Variants in ARHGAP24 observed in about 807,000 individuals in gnomAD.
The protein encoded by ARHGAP24 is Rho GTPase activating protein 24.
A neutral mutation model predicts 76.4 loss-of-function variants in ARHGAP24; 50 were observed. That is an observed-to-expected ratio of 0.65 (90% CI 0.52 to 0.83). The LOEUF is 0.83. Among genes scored for constraint, ARHGAP24 ranks in the 40% least tolerant of loss-of-function variants. The probability of loss-of-function intolerance (pLI) is 0.00; values close to 1 mark genes in which losing one functional copy is unlikely to be tolerated. For synonymous variants in ARHGAP24, 345 were observed against 323.3 expected (o/e 1.07, Z -0.72); for missense variants, 930 against 914.2 (o/e 1.02, Z -0.22).
At chr4:85,930,929 C>A (rs201425808) in intron 4 of ARHGAP24, 1 of 1,613,854 alleles carries the variant, frequency 6.2e-7, no homozygotes, top group East Asian at 2.2e-5. Flanking sequence ...CAGGCCTGTA[C>A]GATGCCTGAA....
chr4:85,803,954 CT>C (rs200225395), intron 3 of ARHGAP24, among the ~76,000 whole-genome samples: 44 of 133,022 alleles, frequency 3.3e-4, no homozygotes, highest in South Asian at 2.3e-3. Flanking sequence ...TTTTCTTTTT[CT>C]TTTTTTTTTT....
chr4:85,482,133 G>C (rs1722839554), intron 1 of ARHGAP24, among the ~76,000 whole-genome samples: 1 of 152,208 alleles, frequency 6.6e-6, no homozygotes, highest in Non-Finnish European at 1.5e-5. Flanking sequence ...AAAACAGCCT[G>C]ATGTTATCTT....
chr4:85,990,626 A>G (rs1462380031), intron 8 of ARHGAP24: 2 of 151,908 alleles, frequency 1.3e-5, no homozygotes, highest in Admixed American at 6.6e-5. Context: ...AAATATGTGT[A>G]GTCATTTGAT....
intron 8 of ARHGAP24, among the ~76,000 whole-genome samples, chr4:85,978,135 TGAAA>T (rs2148856986): frequency 6.6e-6 from 1 of 152,330 alleles, no homozygotes; most frequent in Non-Finnish European, 1.5e-5. Flanking sequence ...GGTTAAAACA[TGAAA>T]GAATTTTTGT....
rs202209554 is a variant in ARHGAP24, at chr4:85,570,431, C to CT, written c.-20-80dup. ...CTTTCTTTCTTTCCTCTCTCTCTCT[C>CT]TTTTTTTTTTTCTGGAGAAGAGTGG... is the stretch of plus-strand genomic sequence containing the variant. On this transcript the variant is annotated intron_variant, in intron 1 of 9. Transcript: ENST00000395184. 0.27 allele frequency: 112,706 copies of CT among 413,320 alleles called. 14,483 individuals are homozygous for CT. The highest frequency in any genetic ancestry group is 0.65 in the East Asian group (16,231 of 25,152). 25.6% of individuals were successfully genotyped at this position (413,320 alleles called of 1,614,324 possible).
At chr4:85,832,832 T>C (rs551592879) in intron 3 of ARHGAP24, among the ~76,000 whole-genome samples, 1 of 152,308 alleles carries the variant, frequency 6.6e-6, no homozygotes, top group South Asian at 2.1e-4. Context: ...ATCACCACCA[T>C]GCCACTGAGT....
At chr4:85,849,361 T>G (rs345324) in intron 3 of ARHGAP24, among the ~76,000 whole-genome samples, 150,881 of 151,990 alleles carry the variant, frequency 0.99, 74,902 homozygotes, top group Middle Eastern at 1. Flanking sequence ...AGACGATGGG[T>G]TTTTCTAAAT....
At chr4:85,884,859 C>A (rs1733470471) in intron 3 of ARHGAP24, among the ~76,000 whole-genome samples, 2 of 152,000 alleles carry the variant, frequency 1.3e-5, no homozygotes, top group African/African-American at 4.8e-5. Flanking sequence ...TTTATTATTT[C>A]AATTTACTGT....
At chr4:85,574,805 T>C (rs1395964934) in intron 2 of ARHGAP24, among the ~76,000 whole-genome samples, 1 of 152,248 alleles carries the variant, frequency 6.6e-6, no homozygotes, top group Non-Finnish European at 1.5e-5. Context: ...ATATCTGATT[T>C]AGTGCATTAT....
intron 2 of ARHGAP24, among the ~76,000 whole-genome samples, chr4:85,616,714 A>G (rs188391731): frequency 6.6e-6 from 1 of 152,278 alleles, no homozygotes; most frequent in Non-Finnish European, 1.5e-5. Context: ...TGGAACCTGC[A>G]CTTCCCAGAT....
chr4:85,779,079 A>G, intron 3 of ARHGAP24: 1 of 713,432 alleles, frequency 1.4e-6, no homozygotes, highest in Non-Finnish European at 1.7e-6. Flanking sequence ...GAGAAAATAT[A>G]CCCTTGAAAA....
chr4:85,699,879 C>T (rs1314294797), intron 2 of ARHGAP24, among the ~76,000 whole-genome samples: 1 of 151,682 alleles, frequency 6.6e-6, no homozygotes, highest in East Asian at 1.9e-4. Flanking sequence ...AGTGCCTGGC[C>T]CATAGTAGGC....
intron 5 of ARHGAP24, among the ~76,000 whole-genome samples, chr4:85,961,474 GTTTAC>G (rs1208963539): frequency 1.3e-5 from 2 of 150,310 alleles, no homozygotes; most frequent in Admixed American, 6.6e-5. Flanking sequence ...ACAAGGATTT[GTTTAC>G]TTTATTTATT....
chr4:85,851,048 G>A (rs345336), intron 3 of ARHGAP24, among the ~76,000 whole-genome samples: 54,620 of 151,910 alleles, frequency 0.36, 10,679 homozygotes, highest in Non-Finnish European at 0.45. Context: ...TGACAGTGGG[G>A]TGTTAAAGTC....
intron 2 of ARHGAP24, among the ~76,000 whole-genome samples, chr4:85,616,641 T>G (rs1397119838): frequency 6.6e-6 from 1 of 152,204 alleles, no homozygotes; most frequent in Non-Finnish European, 1.5e-5. Context: ...TCATTTTATT[T>G]TATTAAGATG....
At chr4:85,554,534 G>A (rs1169973442) in intron 1 of ARHGAP24, among the ~76,000 whole-genome samples, 1 of 152,096 alleles carries the variant, frequency 6.6e-6, no homozygotes, top group Non-Finnish European at 1.5e-5. Context: ...TAGAGAACCA[G>A]TCTTTGAGCT....
intron 2 of ARHGAP24, among the ~76,000 whole-genome samples, chr4:85,595,620 C>T (rs537738540): frequency 1.0e-3 from 158 of 151,888 alleles, no homozygotes; most frequent in African/African-American, 3.6e-3. Flanking sequence ...TGTTAGATAA[C>T]CAGGATGGGT....
chr4:85,845,434 C>T (rs982031927), intron 3 of ARHGAP24, among the ~76,000 whole-genome samples: 8 of 152,118 alleles, frequency 5.3e-5, no homozygotes, highest in Admixed American at 2.0e-4. Flanking sequence ...GTAGCAGTGT[C>T]TCATCCTAAC....
chr4:85,688,456 T>C (rs1723512066), intron 2 of ARHGAP24, among the ~76,000 whole-genome samples: 1 of 152,180 alleles, frequency 6.6e-6, no homozygotes, highest in Non-Finnish European at 1.5e-5. Context: ...TTAAGTTCCT[T>C]ATAAATTCTG....
Sources: allele counts gnomAD v4.1 joint callset (sites outside exome capture counted in the v4.1 genomes callset), GRCh38; gene constraint gnomAD v4.1.1; transcripts MANE v1.5; gene names NCBI Gene and HGNC (gene_info 2026-07-23, HGNC 2026-07-21).